FRAS1: variants seen among roughly 807,000 people sequenced by gnomAD.
FRAS1 encodes extracellular matrix organizing protein FRAS1.
In FRAS1, 290 loss-of-function variants were observed where a neutral mutation model predicts 435.2. The observed-to-expected ratio is 0.67, with a 90% CI of 0.61 to 0.73. FRAS1 has a LOEUF of 0.73. FRAS1 is among the 30% of genes least tolerant of loss of function. FRAS1 has a pLI of 0.00. For missense variants in FRAS1, 4,860 were observed against 5,001.5 expected, an observed-to-expected ratio of 0.97 and a Z score of 0.85; for synonymous variants, 1,800 against 1,851.0, an observed-to-expected ratio of 0.97 and a Z score of 0.71.
chr4:78,234,754 G>A (rs1724674239), intron 2 of FRAS1, among the ~76,000 whole-genome samples: 1 of 152,146 alleles, frequency 6.6e-6, no homozygotes, highest in Non-Finnish European at 1.5e-5. Context: ...CTTTGGAGAG[G>A]CCACAGAGTT....
At chr4:78,191,948 A>T (rs1459459043) in intron 2 of FRAS1, among the ~76,000 whole-genome samples, 2 of 152,032 alleles carry the variant, frequency 1.3e-5, no homozygotes, top group Non-Finnish European at 2.9e-5. Context: ...TCATTGTTGG[A>T]CATTTGGGTT....
chr4:78,461,050 CTTG>C (rs1719355693), intron 47 of FRAS1, among the ~76,000 whole-genome samples: 1 of 152,166 alleles, frequency 6.6e-6, no homozygotes, highest in Non-Finnish European at 1.5e-5. Context: ...CTAGATGCAA[CTTG>C]TTGCCCCTGC....
chr4:78,354,263 G>A (rs1328565257), intron 20 of FRAS1, among the ~76,000 whole-genome samples: 1 of 152,088 alleles, frequency 6.6e-6, no homozygotes, highest in African/African-American at 2.4e-5. Flanking sequence ...ATAACATGAA[G>A]GTCATTCTGT....
chr4:78,169,741 G>A (rs955716722), intron 2 of FRAS1, among the ~76,000 whole-genome samples: 14 of 149,734 alleles, frequency 9.3e-5, no homozygotes, highest in South Asian at 2.1e-4. Flanking sequence ...TTATATTAGC[G>A]TCAAATGTTT....
At chr4:78,091,148 A>G (rs1741494073) in intron 2 of FRAS1, among the ~76,000 whole-genome samples, 1 of 151,398 alleles carries the variant, frequency 6.6e-6, no homozygotes, top group African/African-American at 2.4e-5. Context: ...ATCAGTTTAG[A>G]TGCATTTTTT....
At chr4:78,506,252 G>A (rs190906983) in intron 61 of FRAS1, among the ~76,000 whole-genome samples, 2 of 152,312 alleles carry the variant, frequency 1.3e-5, no homozygotes, top group African/African-American at 2.4e-5. Context: ...GAGCTCAAAT[G>A]CCATGCTGGG....
chr4:78,427,903 A>G (rs1324468137), intron 35 of FRAS1, among the ~76,000 whole-genome samples: 1 of 152,264 alleles, frequency 6.6e-6, no homozygotes, highest in Non-Finnish European at 1.5e-5. Flanking sequence ...CTGGCTTGTT[A>G]GTAAGTCCAG....
At chr4:78,239,771 C>T (rs1187020533) in intron 3 of FRAS1, among the ~76,000 whole-genome samples, 3 of 152,058 alleles carry the variant, frequency 2.0e-5, no homozygotes, top group African/African-American at 7.2e-5. Flanking sequence ...CAGAAGTGTG[C>T]CTGGTATGCA....
Position 78,424,555 on chromosome 4 carries a change from A to G in FRAS1, c.4711+135A>G, listed in dbSNP as rs972169950. On this transcript the variant is annotated intron_variant, in intron 35 of 73. Coordinates refer to ENST00000512123, the MANE Select transcript of FRAS1 (RefSeq NM_025074.7). ...AAAAATTATATAATTTTTCTTCTAA[A>G]ACAAATTTCTTCTAAAATAAACAAA... 3.0e-5 allele frequency: 14 copies of G among 461,884 alleles called. No individual in the cohort carries two copies. In the Admixed American group the frequency reaches 4.7e-4, roughly 15 times the overall value. The allele number at this position is 461,884 out of a possible 1,614,324, so 28.6% of individuals were successfully genotyped here.
intron 2 of FRAS1, among the ~76,000 whole-genome samples, chr4:78,158,450 A>C (rs898713226): frequency 6.6e-6 from 1 of 152,140 alleles, no homozygotes; most frequent in African/African-American, 2.4e-5. Context: ...TGTGACTATT[A>C]TAAATGCAAT....
intron 45 of FRAS1, 31 bp downstream of exon 45, chr4:78,450,370 T>G (rs1284516799): frequency 2.5e-6 from 4 of 1,568,640 alleles, no homozygotes; most frequent in Non-Finnish European, 3.5e-6. Context: ...CTACCAGGCT[T>G]CCGTGGACTG....
At chr4:78,338,505 T>C (rs957575091) in intron 20 of FRAS1, among the ~76,000 whole-genome samples, 2 of 152,170 alleles carry the variant, frequency 1.3e-5, no homozygotes, top group African/African-American at 4.8e-5. Context: ...GGGAATTTAC[T>C]GGGTAATGGG....
intron 4 of FRAS1, among the ~76,000 whole-genome samples, chr4:78,249,583 A>G (rs1725436955): frequency 6.6e-6 from 1 of 152,118 alleles, no homozygotes. Context: ...TTGGCCTCCC[A>G]AAGTGCTGGG....
chr4:78,235,451 T>C (rs1290765089), intron 2 of FRAS1, among the ~76,000 whole-genome samples: 2 of 152,220 alleles, frequency 1.3e-5, no homozygotes, highest in African/African-American at 4.8e-5. Context: ...CTAAAGTATT[T>C]TAGTAGGACT....
chr4:78,277,112 G>A (rs10023308), intron 9 of FRAS1, among the ~76,000 whole-genome samples: 51,738 of 152,010 alleles, frequency 0.34, 9,136 homozygotes, highest in South Asian at 0.59. Context: ...GACCCTCCGA[G>A]CCAGGCGTGG....
At chr4:78,241,027 G>A (rs1724980645) in intron 3 of FRAS1, among the ~76,000 whole-genome samples, 2 of 152,300 alleles carry the variant, frequency 1.3e-5, no homozygotes, top group Non-Finnish European at 2.9e-5. Context: ...TGGCCACGCT[G>A]AGGTTGATCT....
chr4:78,302,867 T>C (rs572676586), intron 14 of FRAS1, among the ~76,000 whole-genome samples: 24 of 152,352 alleles, frequency 1.6e-4, no homozygotes, highest in Middle Eastern at 3.4e-3. Flanking sequence ...TTTAATTAGA[T>C]CCTATTTGTC....
At chr4:78,498,204 A>C (rs991746029) in intron 60 of FRAS1, among the ~76,000 whole-genome samples, 1 of 152,198 alleles carries the variant, frequency 6.6e-6, no homozygotes, top group Non-Finnish European at 1.5e-5. Flanking sequence ...TGTATCCCAG[A>C]ACTTAAAGTA....
chr4:78,492,683 C>G (rs978596223), intron 59 of FRAS1, among the ~76,000 whole-genome samples: 1 of 152,066 alleles, frequency 6.6e-6, no homozygotes, highest in African/African-American at 2.4e-5. Flanking sequence ...GACCTAAAAC[C>G]ATAAAAATCC....
Sources: gnomAD v4.1 joint callset for allele counts (sites outside exome capture counted in the v4.1 genomes callset) on GRCh38, gnomAD v4.1.1 for gene constraint, MANE v1.5 for transcripts, NCBI Gene and HGNC (gene_info 2026-07-23, HGNC 2026-07-21) for gene names.